DLGAP1: variants seen among roughly 807,000 people sequenced by gnomAD.
DLGAP1 encodes the protein disks large-associated protein 1.
A neutral mutation model predicts 90.8 loss-of-function variants in DLGAP1; 11 were observed. The observed-to-expected ratio is 0.12, with a 90% CI of 0.08 to 0.20. DLGAP1 has a LOEUF of 0.20. Among genes scored for constraint, DLGAP1 ranks in the 10% least tolerant of loss-of-function variants. DLGAP1 has a pLI of 1.00. For synonymous variants in DLGAP1, 558 were observed against 540.7 expected (o/e 1.03, Z -0.44); for missense variants, 1,050 against 1,333.8 (o/e 0.79, Z 3.31).
At chr18:3,585,181 G>C (rs1054389197) in intron 7 of DLGAP1, among the ~76,000 whole-genome samples, 5 of 152,210 alleles carry the variant, frequency 3.3e-5, no homozygotes, top group African/African-American at 7.2e-5. Flanking sequence ...AGTCAGGAGC[G>C]AGCCAGCCAG....
intron 7 of DLGAP1, chr18:3,594,546 G>A (rs1568264253): frequency 6.6e-6 from 1 of 152,166 alleles, no homozygotes; most frequent in Non-Finnish European, 1.5e-5. Flanking sequence ...AAAGTATGAA[G>A]AGTGGAAGTC....
chr18:4,290,813 G>GTATGTATGT, intron 1 of DLGAP1, among the ~76,000 whole-genome samples: 1 of 152,094 alleles, frequency 6.6e-6, no homozygotes, highest in Non-Finnish European at 1.5e-5. Flanking sequence ...AACGTGAAAA[G>GTATGTATGT]AAAAACCAAA....
intron 1 of DLGAP1, among the ~76,000 whole-genome samples, chr18:4,349,892 C>T (rs79219784): frequency 0.064 from 9,667 of 152,198 alleles, 870 homozygotes; most frequent in African/African-American, 0.2. Context: ...AAGCTGTACA[C>T]TTAAGATCCA....
chr18:4,347,011 C>G (rs2081312850), intron 1 of DLGAP1, among the ~76,000 whole-genome samples: 1 of 151,456 alleles, frequency 6.6e-6, no homozygotes. Flanking sequence ...TGAGAAATAA[C>G]ATGAAGAATT....
intron 2 of DLGAP1, among the ~76,000 whole-genome samples, chr18:4,056,358 G>A (rs1164682935): frequency 6.6e-6 from 1 of 152,206 alleles, no homozygotes; most frequent in African/African-American, 2.4e-5. Flanking sequence ...GATGTGCTTA[G>A]TCACTGGCCA....
intron 3 of DLGAP1, among the ~76,000 whole-genome samples, chr18:3,927,740 G>A (rs759307445): frequency 8.5e-5 from 13 of 152,126 alleles, no homozygotes; most frequent in Non-Finnish European, 1.8e-4. Context: ...TAAACTGATG[G>A]AAATACCAAC....
At chr18:3,981,667 A>G (rs2073732688) in intron 3 of DLGAP1, among the ~76,000 whole-genome samples, 2 of 152,222 alleles carry the variant, frequency 1.3e-5, no homozygotes, top group South Asian at 2.1e-4. Flanking sequence ...TAAATCTCCA[A>G]TGCCCTTCAG....
intron 3 of DLGAP1, among the ~76,000 whole-genome samples, chr18:3,961,119 C>T (rs895874516): frequency 2.8e-4 from 43 of 152,200 alleles, no homozygotes; most frequent in African/African-American, 9.6e-4. Flanking sequence ...GAGGCCAAGC[C>T]GCACACTAAC....
At chr18:3,855,291 G>A (rs548939812) in intron 4 of DLGAP1, among the ~76,000 whole-genome samples, 2 of 152,262 alleles carry the variant, frequency 1.3e-5, no homozygotes, top group South Asian at 4.1e-4. Flanking sequence ...AGGGTGGAGG[G>A]AGGGAGGAAG....
At chr18:4,329,256 G>GA (rs1417066026) in intron 1 of DLGAP1, among the ~76,000 whole-genome samples, 3 of 151,652 alleles carry the variant, frequency 2.0e-5, no homozygotes, top group African/African-American at 4.8e-5. Flanking sequence ...ATCATTTTTT[G>GA]AAAAAACGAA....
Position 4,338,386 on chromosome 18 carries a change from T to A in DLGAP1, c.-267+116620A>T, listed in dbSNP as rs577145061. 1.2e-3 allele frequency among the ~76,000 whole-genome samples: 179 copies of A among 152,260 alleles called. 1 individual carries two copies. Among genetic ancestry groups the A allele is most frequent in the African/African-American group, 4.2e-3 (174 of 41,548 alleles). ...TACATGTCCAATAATACTTCTGGAGTAAATAAATCAATCATACCAAGTGTC... is the reference window on the plus strand; with the variant it reads ...TACATGTCCAATAATACTTCTGGAGAAAATAAATCAATCATACCAAGTGTC... On this transcript the variant is annotated intron_variant, in intron 1 of 12. Transcript: ENST00000315677.
intron 1 of DLGAP1, among the ~76,000 whole-genome samples, chr18:4,199,172 A>C (rs999454053): frequency 1.5e-4 from 23 of 152,348 alleles, no homozygotes; most frequent in African/African-American, 5.5e-4. Context: ...TCGGGGAGCC[A>C]GCAGAGAAGC....
chr18:3,601,079 T>C lies in DLGAP1; in HGVS notation c.1592-18831A>G, dbSNP rs927080157. 8.0e-5 allele frequency among the ~76,000 whole-genome samples: 12 copies of C among 149,202 alleles called. No homozygotes were observed. The East Asian group carries it at 2.3e-3, about 29-fold the overall frequency. Reference sequence around the variant, plus strand: ...ATATATAGATATATAGATATATAGATAGATATATAGATATATATATTTTTT... The same window carrying C: ...ATATATAGATATATAGATATATAGACAGATATATAGATATATATATTTTTT... On this transcript the variant is annotated intron_variant, in intron 7 of 12. Coordinates refer to ENST00000315677, the MANE Select transcript of DLGAP1 (RefSeq NM_004746.4).
At chr18:4,422,598 A>C (rs2083065484) in intron 1 of DLGAP1, among the ~76,000 whole-genome samples, 1 of 152,018 alleles carries the variant, frequency 6.6e-6, no homozygotes, top group African/African-American at 2.4e-5. Context: ...TAATTTAGAT[A>C]TGAATTGTCT....
chr18:4,369,774 AC>A (rs2081871907), intron 1 of DLGAP1, among the ~76,000 whole-genome samples: 1 of 149,368 alleles, frequency 6.7e-6, no homozygotes, highest in African/African-American at 2.5e-5. Context: ...AGGTAACAAA[AC>A]CTAGTATAAA....
At chr18:4,328,024 A>G (rs1207618115) in intron 1 of DLGAP1, among the ~76,000 whole-genome samples, 3 of 149,850 alleles carry the variant, frequency 2.0e-5, no homozygotes, top group Non-Finnish European at 4.4e-5. Flanking sequence ...CAGAGCAACT[A>G]CCATCTCTTA....
chr18:4,048,527 G>A (rs2075088042), intron 2 of DLGAP1, among the ~76,000 whole-genome samples: 1 of 152,178 alleles, frequency 6.6e-6, no homozygotes, highest in South Asian at 2.1e-4. Context: ...CTCATCCAGT[G>A]TAATAATTTA....
At chr18:4,132,901 GTACTTGTT>G (rs2076339583) in intron 2 of DLGAP1, among the ~76,000 whole-genome samples, 1 of 152,116 alleles carries the variant, frequency 6.6e-6, no homozygotes, top group African/African-American at 2.4e-5. Flanking sequence ...GTAATTAAAT[GTACTTGTT>G]ACACATTTAT....
intron 1 of DLGAP1, among the ~76,000 whole-genome samples, chr18:4,182,433 T>G (rs998191643): frequency 3.9e-5 from 6 of 152,162 alleles, no homozygotes; most frequent in African/African-American, 1.4e-4. Context: ...CCAGCCTTTC[T>G]CTGCCAGTTA....
Sources: allele counts gnomAD v4.1 joint callset (sites outside exome capture counted in the v4.1 genomes callset), GRCh38; gene constraint gnomAD v4.1.1; transcripts MANE v1.5; gene names NCBI Gene and HGNC (gene_info 2026-07-23, HGNC 2026-07-21).